SCAI: variants seen among roughly 807,000 people sequenced by gnomAD.
SCAI encodes protein SCAI.
In SCAI, 24 loss-of-function variants were observed where a neutral mutation model predicts 92.2. The observed-to-expected ratio is 0.26, with a 90% confidence interval of 0.19 to 0.37. The LOEUF (loss-of-function observed/expected upper bound fraction) is 0.37, where lower values mean the gene tolerates loss of function less well. Ranked by LOEUF, SCAI falls within the 10% of genes least tolerant of loss-of-function variation. The pLI is 1.00. For synonymous variants in SCAI, 261 were observed against 258.6 expected, an observed-to-expected ratio of 1.01 and a Z score of -0.09; for missense variants, 450 against 736.2, an observed-to-expected ratio of 0.61 and a Z score of 4.50.
intron 14 of SCAI, among the ~76,000 whole-genome samples, chr9:124,978,613 TAACACAG>T (rs1831810183): frequency 6.6e-6 from 1 of 152,186 alleles, no homozygotes; most frequent in African/African-American, 2.4e-5. Context: ...AAATGCATAT[TAACACAG>T]AAATTCCCAA....
At chr9:125,031,776 G>A (rs1349582557) in intron 3 of SCAI, among the ~76,000 whole-genome samples, 1 of 151,990 alleles carries the variant, frequency 6.6e-6, no homozygotes, top group Non-Finnish European at 1.5e-5. Context: ...TTGTTTTTGT[G>A]AAAGGTATCT....
chr9:124,962,285 G>A (rs558180876), intron 17 of SCAI, among the ~76,000 whole-genome samples: 45 of 150,888 alleles, frequency 3.0e-4, no homozygotes, highest in Middle Eastern at 3.4e-3. Context: ...TCAGCCTCCC[G>A]AGTAGCTGAG....
chr9:124,994,995 T>G lies in SCAI; in HGVS notation c.1265A>C (p.Tyr422Ser). Residue 422 changes from tyrosine (Y) to serine (S), a missense_variant, in exon 14 of 18, where the codon TAT becomes TCT. By Grantham distance (144) the Tyr-to-Ser change is moderately radical. This residue lies in a region of SCAI where 360 missense variants were observed against 601.8 expected (regional missense o/e 0.60). Coordinates refer to ENST00000336505, the MANE Select transcript of SCAI (RefSeq NM_001144877.3). ...GAACAGTGGCTTCCTGGTGAAAGGA[T>G]AGAGATCCCCGGGATGAAGGCTGGG... is the stretch of plus-strand genomic sequence containing the variant. ...EMHCLHPGDL[Y>S]PFTRKPLFII... 6.2e-7 allele frequency: 1 copy of G among 1,612,118 alleles called. No individual in the cohort carries two copies. Among genetic ancestry groups the G allele is most frequent in the Non-Finnish European group, 8.5e-7 (1 of 1,179,180 alleles).
rs1445542247 is a variant in SCAI at position 124,944,180 on chromosome 9, A to T, written c.*8627T>A. ...GTGGCAAAAGGAATGCATTCAGATA[A>T]CTATAAAAAGCCACATAAATCAAGT... On this transcript the variant is annotated 3_prime_UTR_variant, in exon 18 of 18. Coordinates refer to ENST00000336505, the MANE Select transcript of SCAI (RefSeq NM_001144877.3). 1 of 152,220 alleles carries T rather than the reference A, an allele frequency of 6.6e-6. No homozygotes were observed. The highest frequency in any genetic ancestry group is 1.9e-4 in the East Asian group (1 of 5,200). The allele number at this position is 152,220 out of a possible 1,614,324, so 9.4% of individuals were successfully genotyped here. A position where few individuals can be genotyped will look rare whatever the true frequency, so the allele number is the denominator to read the frequency against.
chr9:125,064,106 T>A (rs573697936), intron 2 of SCAI, among the ~76,000 whole-genome samples: 2 of 152,194 alleles, frequency 1.3e-5, no homozygotes, highest in Admixed American at 1.3e-4. Flanking sequence ...CCTCAAAATA[T>A]ATAAATAAAA....
chr9:125,017,784 G>C (rs1832791156), intron 9 of SCAI, among the ~76,000 whole-genome samples: 1 of 152,020 alleles, frequency 6.6e-6, no homozygotes, highest in South Asian at 2.1e-4. Context: ...TGAGGCAGGA[G>C]GATCACTTGA....
chr9:125,069,617 CT>C (rs919064250), intron 2 of SCAI, among the ~76,000 whole-genome samples: 3,516 of 91,088 alleles, frequency 0.039, 74 homozygotes, highest in East Asian at 0.15. Flanking sequence ...TGCACCCGGT[CT>C]TTTTTTTTTT....
chr9:125,043,556 G>A (rs1833372325), intron 3 of SCAI, among the ~76,000 whole-genome samples: 1 of 152,122 alleles, frequency 6.6e-6, no homozygotes, highest in South Asian at 2.1e-4. Context: ...AAACTCCTGG[G>A]CTCAAGCAAT....
intron 2 of SCAI, among the ~76,000 whole-genome samples, chr9:125,065,257 A>C (rs1833851003): frequency 6.6e-6 from 1 of 152,202 alleles, no homozygotes; most frequent in Non-Finnish European, 1.5e-5. Flanking sequence ...AAGAATGAAA[A>C]AAAGGAGTAT....
intron 3 of SCAI, among the ~76,000 whole-genome samples, chr9:125,042,634 T>TGTGTGTACACACACAC (rs761672178): frequency 3.1e-5 from 3 of 96,192 alleles, no homozygotes; most frequent in African/African-American, 1.2e-4. Context: ...TGTGTGTGTG[T>TGTGTGTACACACACAC]ACACACACAC....
chr9:125,002,459 C>T (rs1388627730), intron 11 of SCAI, among the ~76,000 whole-genome samples: 2 of 134,202 alleles, frequency 1.5e-5, no homozygotes, highest in Admixed American at 7.5e-5. Context: ...TATAAGAAGC[C>T]TAGACACTCT....
intron 2 of SCAI, among the ~76,000 whole-genome samples, chr9:125,075,917 C>T (rs1189380682): frequency 1.3e-5 from 2 of 151,742 alleles, no homozygotes; most frequent in Admixed American, 6.6e-5. Context: ...AGGCTGGTCT[C>T]GAACTCCTGA....
At chr9:125,119,582 T>C (rs1430920368) in intron 2 of SCAI, among the ~76,000 whole-genome samples, 1 of 152,244 alleles carries the variant, frequency 6.6e-6, no homozygotes, top group Non-Finnish European at 1.5e-5. Flanking sequence ...GTTCTTGTTC[T>C]TACAGTTCAA....
intron 17 of SCAI, among the ~76,000 whole-genome samples, chr9:124,967,575 T>C (rs1298728621): frequency 1.3e-5 from 2 of 152,150 alleles, no homozygotes; most frequent in East Asian, 3.8e-4. Flanking sequence ...GGCTTTTTTT[T>C]CCTCCTTTCT....
chr9:125,064,576 T>C (rs1321207052), intron 2 of SCAI, among the ~76,000 whole-genome samples: 1 of 152,186 alleles, frequency 6.6e-6, no homozygotes, highest in Admixed American at 6.6e-5. Flanking sequence ...GTGGGTGCAG[T>C]GGCTCATACC....
chr9:125,022,458 C>T (rs576749377), intron 6 of SCAI, among the ~76,000 whole-genome samples: 1 of 152,328 alleles, frequency 6.6e-6, no homozygotes, highest in South Asian at 2.1e-4. Flanking sequence ...ATTTCCCAGG[C>T]TGAAGTGCAG....
chr9:125,042,752 C>G (rs1270273449), intron 3 of SCAI, among the ~76,000 whole-genome samples: 2 of 150,576 alleles, frequency 1.3e-5, no homozygotes, highest in Non-Finnish European at 3.0e-5. Context: ...TTCAAACCTT[C>G]TACCTCCTAA....
At chr9:124,979,098 T>C (rs968362691) in intron 14 of SCAI, among the ~76,000 whole-genome samples, 2 of 151,932 alleles carry the variant, frequency 1.3e-5, no homozygotes, top group Non-Finnish European at 2.9e-5. Context: ...TGACCTCAAG[T>C]GATCTGCCTG....
intron 3 of SCAI, among the ~76,000 whole-genome samples, chr9:125,039,293 C>T (rs901441520): frequency 2.7e-5 from 4 of 149,550 alleles, no homozygotes; most frequent in South Asian, 4.2e-4. Flanking sequence ...AGGCTGAGGC[C>T]GGAGAATCGC....
Sources: allele counts gnomAD v4.1 joint callset (sites outside exome capture counted in the v4.1 genomes callset), GRCh38; gene constraint gnomAD v4.1.1; regional missense constraint gnomAD v4.1.1; transcripts MANE v1.5; gene names NCBI Gene and HGNC (gene_info 2026-07-23, HGNC 2026-07-21).